Variants in CNTN5 observed in about 807,000 individuals in gnomAD.
CNTN5 encodes the protein contactin 5, also known as contactin-5.
CNTN5 carries 77 observed loss-of-function variants against 129.1 expected under a neutral mutation model. The observed-to-expected ratio is 0.60, with a 90% CI of 0.50 to 0.72. CNTN5 has a LOEUF of 0.72. CNTN5 is among the 30% of genes least tolerant of loss of function. The pLI is 0.00. For missense variants in CNTN5, 1,478 were observed against 1,328.8 expected, an observed-to-expected ratio of 1.11 and a Z score of -1.75; for synonymous variants, 509 against 465.6, an observed-to-expected ratio of 1.09 and a Z score of -1.20.
chr11:100,113,186 A>G (rs1483599482), intron 13 of CNTN5, among the ~76,000 whole-genome samples: 1 of 152,006 alleles, frequency 6.6e-6, no homozygotes, highest in Admixed American at 6.6e-5. Flanking sequence ...ACTGTTGAAC[A>G]TTTGGTATGT....
chr11:99,812,415 C>A (rs1003082814), intron 3 of CNTN5, among the ~76,000 whole-genome samples: 4 of 151,968 alleles, frequency 2.6e-5, no homozygotes, highest in African/African-American at 9.7e-5. Flanking sequence ...GTTATACCCA[C>A]AAGAGTGGTA....
At chr11:99,987,521 A>G (rs1282610631) in intron 8 of CNTN5, among the ~76,000 whole-genome samples, 1 of 37,280 alleles carries the variant, frequency 2.7e-5, no homozygotes, top group African/African-American at 1.3e-4. Context: ...TTATGTATTT[A>G]TGAATATATA....
intron 2 of CNTN5, among the ~76,000 whole-genome samples, chr11:99,348,076 T>C (rs1393362462): frequency 6.6e-6 from 1 of 152,174 alleles, no homozygotes; most frequent in Non-Finnish European, 1.5e-5. Flanking sequence ...ATTTAAATAA[T>C]TGCACAAAAG....
At chr11:99,197,075 C>G (rs1037124624) in intron 1 of CNTN5, among the ~76,000 whole-genome samples, 1 of 151,842 alleles carries the variant, frequency 6.6e-6, no homozygotes, top group Non-Finnish European at 1.5e-5. Flanking sequence ...AAAAATGACC[C>G]TGTTTTCAGA....
At chr11:100,152,626 G>GA (rs1947105931) in intron 13 of CNTN5, among the ~76,000 whole-genome samples, 1 of 151,950 alleles carries the variant, frequency 6.6e-6, no homozygotes, top group Admixed American at 6.6e-5. Context: ...TTCCCCAAAC[G>GA]AAAACTGCAT....
At chr11:99,715,684 T>G (rs1337218829) in intron 3 of CNTN5, among the ~76,000 whole-genome samples, 1 of 152,040 alleles carries the variant, frequency 6.6e-6, no homozygotes, top group Non-Finnish European at 1.5e-5. Context: ...TATCATCATC[T>G]CTTTATCCTG....
At chr11:100,034,565 G>C (rs538378241) in intron 9 of CNTN5, among the ~76,000 whole-genome samples, 1 of 152,260 alleles carries the variant, frequency 6.6e-6, no homozygotes, top group East Asian at 1.9e-4. Flanking sequence ...CATACAGAGT[G>C]TCCTAAACCA....
At chr11:99,285,227 G>A (rs561280442) in intron 1 of CNTN5, among the ~76,000 whole-genome samples, 1 of 152,086 alleles carries the variant, frequency 6.6e-6, no homozygotes, top group East Asian at 1.9e-4. Context: ...GTTATTGCAC[G>A]TCTACTGTAC....
At chr11:100,320,928 A>G (rs1169067311) in intron 21 of CNTN5, among the ~76,000 whole-genome samples, 1 of 152,112 alleles carries the variant, frequency 6.6e-6, no homozygotes, top group Non-Finnish European at 1.5e-5. Flanking sequence ...ATCTGTTTTT[A>G]TACCAATAGC....
intron 15 of CNTN5, among the ~76,000 whole-genome samples, chr11:100,194,976 ATTTTAACTGT>A (rs886356348): frequency 5.3e-5 from 8 of 149,890 alleles, no homozygotes; most frequent in Admixed American, 4.8e-4. Context: ...AAATGAGCGA[ATTTTAACTGT>A]TAATATCCAA....
At chr11:99,778,228 G>A (rs1470114886) in intron 3 of CNTN5, among the ~76,000 whole-genome samples, 1 of 151,668 alleles carries the variant, frequency 6.6e-6, no homozygotes, top group South Asian at 2.1e-4. Flanking sequence ...GGTATGTCCT[G>A]CTTGGATACA....
At chr11:100,083,576 T>A (rs1233246284) in intron 13 of CNTN5, among the ~76,000 whole-genome samples, 1 of 152,124 alleles carries the variant, frequency 6.6e-6, no homozygotes, top group East Asian at 1.9e-4. Context: ...TTAAGAGAAT[T>A]AATAACCCAA....
intron 23 of CNTN5, among the ~76,000 whole-genome samples, chr11:100,345,400 C>G (rs1952257406): frequency 6.6e-6 from 1 of 151,984 alleles, no homozygotes; most frequent in African/African-American, 2.4e-5. Context: ...TGTTAAGGGC[C>G]CCACCTCTTA....
intron 1 of CNTN5, among the ~76,000 whole-genome samples, chr11:99,264,848 T>A (rs1862812417): frequency 1.3e-5 from 2 of 152,098 alleles, no homozygotes. Flanking sequence ...TATTAATTTA[T>A]CTTCATTTTT....
intron 3 of CNTN5, among the ~76,000 whole-genome samples, chr11:99,817,057 G>A (rs1176556262): frequency 6.6e-6 from 1 of 152,138 alleles, no homozygotes; most frequent in Non-Finnish European, 1.5e-5. Context: ...GGAGCCCATA[G>A]GTCCTTGAAT....
chr11:99,382,420 G>A (rs1940625484), intron 2 of CNTN5, among the ~76,000 whole-genome samples: 1 of 152,138 alleles, frequency 6.6e-6, no homozygotes, highest in Non-Finnish European at 1.5e-5. Flanking sequence ...TCATTAAAGA[G>A]GCCTTTGTTG....
chr11:100,263,681 G>A (rs1038355503), intron 17 of CNTN5, among the ~76,000 whole-genome samples: 6 of 152,090 alleles, frequency 3.9e-5, no homozygotes, highest in African/African-American at 1.4e-4. Flanking sequence ...AACCACATGA[G>A]CAGATTTACT....
At chr11:99,132,795 G>A (rs1859013486) in intron 1 of CNTN5, among the ~76,000 whole-genome samples, 1 of 152,146 alleles carries the variant, frequency 6.6e-6, no homozygotes, top group African/African-American at 2.4e-5. Context: ...CTCATTCATA[G>A]GAAGAATCAG....
chr11:99,551,145 G>A (rs1948467469), intron 2 of CNTN5, among the ~76,000 whole-genome samples: 1 of 152,094 alleles, frequency 6.6e-6, no homozygotes, highest in Non-Finnish European at 1.5e-5. Flanking sequence ...TTTATACACT[G>A]CAGTTTCCTG....
Sources: allele counts gnomAD v4.1 joint callset (sites outside exome capture counted in the v4.1 genomes callset), GRCh38; gene constraint gnomAD v4.1.1; transcripts MANE v1.5; gene names NCBI Gene and HGNC (gene_info 2026-07-23, HGNC 2026-07-21).